SUGCT: variants seen among roughly 807,000 people sequenced by gnomAD.
SUGCT encodes succinyl-CoA:glutarate CoA-transferase.
In SUGCT, 41 loss-of-function variants were observed where a neutral mutation model predicts 55.0. That is an observed-to-expected ratio of 0.74 (90% CI 0.58 to 0.97). The LOEUF (loss-of-function observed/expected upper bound fraction) is 0.97. SUGCT is among the 50% of genes least tolerant of loss of function. SUGCT has a pLI of 0.00. For synonymous variants in SUGCT, 187 were observed against 200.4 expected (o/e 0.93, Z 0.56); for missense variants, 568 against 547.8 (o/e 1.04, Z -0.37).
chr7:40,995,016 C>A, the SUGCT span, among the ~76,000 whole-genome samples: 1 of 152,190 alleles, frequency 6.6e-6, no homozygotes, highest in Non-Finnish European at 1.5e-5. Flanking sequence ...TATAAACTAC[C>A]CAGTCTTAGG....
At chr7:40,667,285 C>G (rs1801696200) in intron 12 of SUGCT, among the ~76,000 whole-genome samples, 1 of 152,164 alleles carries the variant, frequency 6.6e-6, no homozygotes, top group South Asian at 2.1e-4. Flanking sequence ...AATCTTGCAT[C>G]CTAGGAATAA....
the SUGCT span, chr7:40,966,226 A>C: frequency 2.0e-5 from 3 of 152,252 alleles, no homozygotes; most frequent in East Asian, 5.8e-4. Flanking sequence ...CAACAGATTG[A>C]GAGCCAGGGT....
At chr7:40,667,026 G>T (rs73124015) in intron 12 of SUGCT, among the ~76,000 whole-genome samples, 26,117 of 150,308 alleles carry the variant, frequency 0.17, 2,346 homozygotes, top group African/African-American at 0.2. Context: ...GAGGTAGGGG[G>T]ATCATTTAAG....
chr7:40,885,494 G>C, the SUGCT span, among the ~76,000 whole-genome samples: 1 of 152,104 alleles, frequency 6.6e-6, no homozygotes. Flanking sequence ...TTCCTCTTTG[G>C]GGACCCTTGT....
chr7:40,312,600 A>G (rs1188469271), intron 8 of SUGCT, among the ~76,000 whole-genome samples: 1 of 152,208 alleles, frequency 6.6e-6, no homozygotes. Context: ...TTGACATCTT[A>G]CAATTCTAAT....
chr7:40,449,788 C>G (rs1367078910), intron 10 of SUGCT, among the ~76,000 whole-genome samples: 3 of 151,756 alleles, frequency 2.0e-5, no homozygotes, highest in Non-Finnish European at 4.4e-5. Context: ...ATTTTATTTA[C>G]TACTGGAAAT....
the SUGCT span, among the ~76,000 whole-genome samples, chr7:40,996,169 T>C: frequency 6.6e-6 from 1 of 152,214 alleles, no homozygotes; most frequent in Non-Finnish European, 1.5e-5. Context: ...CCCTCCTATG[T>C]TGGTGGCTTG....
chr7:41,007,823 CAAAA>C, the SUGCT span, among the ~76,000 whole-genome samples: 22 of 104,292 alleles, frequency 2.1e-4, no homozygotes, highest in African/African-American at 7.5e-4. Context: ...AACTGAAATC[CAAAA>C]AAAAAAAAAA....
intron 9 of SUGCT, among the ~76,000 whole-genome samples, chr7:40,389,103 A>G (rs1166578377): frequency 6.6e-6 from 1 of 152,166 alleles, no homozygotes; most frequent in African/African-American, 2.4e-5. Context: ...TAACTTAGAT[A>G]AAATATAAGA....
At chr7:40,802,860 T>C (rs928818768) in intron 13 of SUGCT, among the ~76,000 whole-genome samples, 2 of 152,200 alleles carry the variant, frequency 1.3e-5, no homozygotes, top group Admixed American at 1.3e-4. Flanking sequence ...CTATAGAGTG[T>C]AGCCTGCACC....
intron 12 of SUGCT, among the ~76,000 whole-genome samples, chr7:40,549,349 A>G (rs550227395): frequency 6.6e-6 from 1 of 152,220 alleles, no homozygotes; most frequent in Non-Finnish European, 1.5e-5. Context: ...ACTCTTTTGT[A>G]ATGACTAGGA....
At chr7:40,900,964 A>G in the SUGCT span, among the ~76,000 whole-genome samples, 1 of 152,244 alleles carries the variant, frequency 6.6e-6, no homozygotes, top group Non-Finnish European at 1.5e-5. Flanking sequence ...GGGATTTGAC[A>G]CTTAGAGCTT....
intron 9 of SUGCT, among the ~76,000 whole-genome samples, chr7:40,397,474 A>T (rs1418382265): frequency 6.6e-6 from 1 of 152,130 alleles, no homozygotes; most frequent in Non-Finnish European, 1.5e-5. Flanking sequence ...TCTGGACAGC[A>T]GGGAGTTTAT....
intron 12 of SUGCT, among the ~76,000 whole-genome samples, chr7:40,588,077 AT>A: frequency 6.6e-6 from 1 of 151,772 alleles, no homozygotes; most frequent in East Asian, 1.9e-4. Flanking sequence ...TAATTTTTGT[AT>A]TTTTAGTAGA....
intron 12 of SUGCT, among the ~76,000 whole-genome samples, chr7:40,685,646 A>AG (rs1475233846): frequency 6.6e-6 from 1 of 152,218 alleles, no homozygotes; most frequent in Non-Finnish European, 1.5e-5. Flanking sequence ...AACTTTAAAA[A>AG]TAATCTTTTA....
At chr7:40,145,636 G>A (rs1269968499) in intron 1 of SUGCT, among the ~76,000 whole-genome samples, 2 of 151,750 alleles carry the variant, frequency 1.3e-5, no homozygotes, top group African/African-American at 4.8e-5. Context: ...TTAACTTTTA[G>A]CAAACTTTAC....
chr7:40,806,482 T>G (rs2128753619), intron 13 of SUGCT, among the ~76,000 whole-genome samples: 1 of 152,304 alleles, frequency 6.6e-6, no homozygotes, highest in Non-Finnish European at 1.5e-5. Context: ...TCTTTGCTTA[T>G]CTTTTTTACT....
At chr7:40,718,265 A>T (rs1446379836) in intron 12 of SUGCT, among the ~76,000 whole-genome samples, 1 of 152,222 alleles carries the variant, frequency 6.6e-6, no homozygotes, top group South Asian at 2.1e-4. Context: ...ACCAAATCCA[A>T]CAAAATCTTG....
intron 1 of SUGCT, among the ~76,000 whole-genome samples, chr7:40,148,593 G>A (rs1788387705): frequency 6.6e-6 from 1 of 152,134 alleles, no homozygotes; most frequent in Admixed American, 6.5e-5. Context: ...GCAGTGAGCC[G>A]AGATGACGCC....
Sources: allele counts gnomAD v4.1 joint callset (sites outside exome capture counted in the v4.1 genomes callset), GRCh38; gene constraint gnomAD v4.1.1; transcripts MANE v1.5; gene names NCBI Gene and HGNC (gene_info 2026-07-23, HGNC 2026-07-21).